The following WDHD1 variants were observed in gnomAD, a reference collection of about 807,000 sequenced individuals.
WDHD1 encodes WD repeat and HMG-box DNA-binding protein 1.
A neutral mutation model predicts 135.4 loss-of-function variants in WDHD1; 111 were observed. The ratio of observed to expected loss-of-function variants is 0.82; its 90% CI spans 0.70 to 0.96. The LOEUF is 0.96. WDHD1 is among the 40% of genes least tolerant of loss of function. WDHD1 has a pLI of 0.00. For synonymous variants in WDHD1, 434 were observed against 439.0 expected (o/e 0.99, Z 0.14); for missense variants, 1,351 against 1,336.3 (o/e 1.01, Z -0.17).
chr14:54,978,474 A>G (rs367558658), intron 16 of WDHD1, among the ~76,000 whole-genome samples: 1 of 151,904 alleles, frequency 6.6e-6, no homozygotes, highest in African/African-American at 2.4e-5. Context: ...AGTTCTACCT[A>G]CTCAGGAGAC....
At chr14:54,951,653 G>C (rs2041055474) in intron 24 of WDHD1, among the ~76,000 whole-genome samples, 1 of 152,128 alleles carries the variant, frequency 6.6e-6, no homozygotes, top group South Asian at 2.1e-4. Flanking sequence ...CATTTTATGA[G>C]GCCAGCATCA....
intron 16 of WDHD1, among the ~76,000 whole-genome samples, chr14:54,972,194 G>A (rs1452920168): frequency 1.3e-5 from 2 of 150,914 alleles, no homozygotes; most frequent in Admixed American, 6.6e-5. Context: ...AGAATGGGGT[G>A]AACCCGGGAG....
rs1345894737 is a variant in WDHD1 at position 54,940,919 on chromosome 14, A to G, written c.*571T>C. The G allele has an allele frequency of 1.3e-5, 2 of 152,232 alleles. No homozygotes were observed. The highest frequency in any genetic ancestry group is 4.8e-5 in the African/African-American group (2 of 41,460). 9.4% of individuals were successfully genotyped at this position (152,232 alleles called of 1,614,324 possible). On this transcript the variant is annotated 3_prime_UTR_variant, in exon 26 of 26. Transcript: ENST00000360586. ...AAATGAGAAAGTTTCATTTACCTCA[A>G]AAAAATCCAGGCTATACAAACAGAC... is the stretch of plus-strand genomic sequence containing the variant.
At chr14:54,984,231 G>A (rs938409058) in intron 15 of WDHD1, among the ~76,000 whole-genome samples, 8 of 152,168 alleles carry the variant, frequency 5.3e-5, no homozygotes, top group South Asian at 2.1e-4. Flanking sequence ...GCAGTGGCTC[G>A]CGCCTGTAAT....
At chr14:54,958,411 G>A (rs182038921) in intron 21 of WDHD1, among the ~76,000 whole-genome samples, 26 of 152,280 alleles carry the variant, frequency 1.7e-4, no homozygotes, top group East Asian at 1.5e-3. Context: ...ACAAGCATGA[G>A]CCACCACGCC....
At chr14:54,967,196 T>A (rs1456664177) in intron 17 of WDHD1, 84 bp downstream of exon 17, 1 of 1,090,576 alleles carries the variant, frequency 9.2e-7, no homozygotes, top group Non-Finnish European at 1.4e-6. Context: ...TATTCAATAC[T>A]GGCCATCAGG....
chr14:54,961,770 C>A (rs1032177611), intron 21 of WDHD1, among the ~76,000 whole-genome samples: 2 of 152,072 alleles, frequency 1.3e-5, no homozygotes, highest in Admixed American at 1.3e-4. Context: ...CAAAAAAGGG[C>A]CAGCAGTGCC....
chr14:54,974,104 AC>A (rs2041483051), intron 16 of WDHD1, among the ~76,000 whole-genome samples: 2 of 151,810 alleles, frequency 1.3e-5, no homozygotes, highest in African/African-American at 2.4e-5. Context: ...AAAAAAAAAA[AC>A]AATGAAAAAC....
At chr14:54,990,848 C>G (rs1214729071) in intron 12 of WDHD1, among the ~76,000 whole-genome samples, 1 of 152,084 alleles carries the variant, frequency 6.6e-6, no homozygotes, top group Non-Finnish European at 1.5e-5. Flanking sequence ...TAGTTGCCTT[C>G]TAAGAAAGCA....
At chr14:54,949,567 G>A (rs2041003357) in intron 24 of WDHD1, among the ~76,000 whole-genome samples, 1 of 143,816 alleles carries the variant, frequency 7.0e-6, no homozygotes, top group African/African-American at 3.0e-5. Context: ...AACCAAGTTG[G>A]AAAACACTCT....
intron 24 of WDHD1, among the ~76,000 whole-genome samples, chr14:54,954,262 G>A (rs2140157615): frequency 6.6e-6 from 1 of 152,090 alleles, no homozygotes; most frequent in South Asian, 2.1e-4. Flanking sequence ...CTCCAGCCTG[G>A]GCAACAAGAG....
chr14:54,970,270 T>A (rs141423225), intron 16 of WDHD1, among the ~76,000 whole-genome samples: 1 of 152,114 alleles, frequency 6.6e-6, no homozygotes, highest in Non-Finnish European at 1.5e-5. Context: ...ACTCTATACA[T>A]AGAATTGCTA....
At chr14:54,992,421 C>CAG (rs2041807728) in intron 11 of WDHD1, among the ~76,000 whole-genome samples, 3 of 152,162 alleles carry the variant, frequency 2.0e-5, no homozygotes, top group African/African-American at 7.2e-5. Context: ...ACCCAGAGGG[C>CAG]AGAGGTTGCA....
intron 16 of WDHD1, among the ~76,000 whole-genome samples, chr14:54,968,945 G>A (rs989212126): frequency 6.6e-6 from 1 of 152,216 alleles, no homozygotes; most frequent in East Asian, 1.9e-4. Flanking sequence ...AGAAGACTGA[G>A]ATGGGAAGAT....
chr14:55,026,114 T>C (rs1298957881), intron 2 of WDHD1, among the ~76,000 whole-genome samples: 2 of 152,236 alleles, frequency 1.3e-5, no homozygotes, highest in East Asian at 3.8e-4. Context: ...TCTGGTTCGC[T>C]CTATTCTATC....
intron 16 of WDHD1, 32 bp downstream of exon 16, chr14:54,981,508 G>C (rs1566724583): frequency 1.3e-6 from 2 of 1,596,034 alleles, no homozygotes; most frequent in Non-Finnish European, 1.7e-6. Flanking sequence ...TTTTTAAAAA[G>C]AGTCAACTTT....
rs1566713826 is a variant in WDHD1, at chr14:54,962,963, C to CT, written c.2519dup (p.Leu841AlafsTer22). On this transcript the variant is annotated frameshift_variant, in exon 19 of 26. Coordinates refer to ENST00000360586, the MANE Select transcript of WDHD1 (RefSeq NM_007086.4). LOFTEE classifies it high-confidence loss of function. The stretch of plus-strand genomic sequence containing the variant: ...AAATTATTTCTTACCCAGCATTCAG[C>CT]TTTTTTCTGAAATCTTCTTCTTCTT... 7 of 1,613,880 alleles carry CT rather than the reference C, an allele frequency of 4.3e-6. No individual in the cohort carries two copies. Among genetic ancestry groups the CT allele is most frequent in the Non-Finnish European group, 5.1e-6 (6 of 1,179,978 alleles).
chr14:54,962,673 G>A, intron 20 of WDHD1, 65 bp downstream of exon 20: 1 of 1,581,696 alleles, frequency 6.3e-7, no homozygotes, highest in Non-Finnish European at 8.7e-7. Flanking sequence ...CCTCAGTTAA[G>A]CAAAATGGGA....
chr14:54,992,735 C>T (rs1187963864), intron 11 of WDHD1, among the ~76,000 whole-genome samples: 1 of 151,734 alleles, frequency 6.6e-6, no homozygotes. Context: ...GGCAACAAAG[C>T]AAGATTCCAT....
Sources: gnomAD v4.1 joint callset for allele counts (sites outside exome capture counted in the v4.1 genomes callset) on GRCh38, gnomAD v4.1.1 for gene constraint, MANE v1.5 for transcripts, NCBI Gene and HGNC (gene_info 2026-07-23, HGNC 2026-07-21) for gene names.